Variants in RELN observed in about 807,000 individuals in gnomAD.
RELN encodes reelin.
In RELN, 108 loss-of-function variants were observed where a neutral mutation model predicts 427.6. The observed-to-expected ratio is 0.25, with a 90% confidence interval of 0.22 to 0.30. RELN has a LOEUF of 0.30. RELN is among the 10% of genes least tolerant of loss of function. The pLI is 1.00. For synonymous variants in RELN, 1,524 were observed against 1,513.4 expected, an observed-to-expected ratio of 1.01 and a Z score of -0.16; for missense variants, 3,715 against 4,302.8, an observed-to-expected ratio of 0.86 and a Z score of 3.82.
At chr7:103,635,345 AT>A in intron 19 of RELN, 79 bp downstream of exon 19, 1 of 1,506,532 alleles carries the variant, frequency 6.6e-7, no homozygotes, top group South Asian at 1.2e-5. Context: ...AATATCTAGA[AT>A]TTTATACCAT....
chr7:103,956,584 C>T (rs1456855087), intron 1 of RELN, among the ~76,000 whole-genome samples: 4 of 152,256 alleles, frequency 2.6e-5, no homozygotes, highest in Non-Finnish European at 4.4e-5. Context: ...TACTGACACA[C>T]TATAATCTTT....
Position 103,566,763 on chromosome 7 carries a change from A to C in RELN, c.4589-4T>G, listed in dbSNP as rs780638720. On this transcript the variant is annotated splice_polypyrimidine_tract_variant and splice_region_variant and intron_variant, in intron 31 of 64. Coordinates refer to ENST00000428762, the MANE Select transcript of RELN (RefSeq NM_005045.4). ...TTTGAATACTGAACAATAAGCCCTGAGTTAAAAGACATAAATCCAGTTATT... is the reference window on the plus strand; with the variant it reads ...TTTGAATACTGAACAATAAGCCCTGCGTTAAAAGACATAAATCCAGTTATT... 10 of 1,613,748 alleles carry C rather than the reference A, an allele frequency of 6.2e-6. No homozygotes were observed. Among genetic ancestry groups the C allele is most frequent in the Non-Finnish European group, 8.5e-6 (10 of 1,179,752 alleles).
rs115903741 is a variant in RELN at position 103,717,846 on chromosome 7, A to T, written c.805+5294T>A. ...AAGTTCGTGGAGGAAATGAGCAACA[A>T]TTCATACCAAGATATGGAGGAATCG... On this transcript the variant is annotated intron_variant, in intron 8 of 64. Transcript: ENST00000428762. Among the ~76,000 whole-genome samples, 159 of 152,260 alleles carry T rather than the reference A, an allele frequency of 1.0e-3. 1 individual carries two copies. The highest frequency in any genetic ancestry group is 3.6e-3 in the African/African-American group (149 of 41,568).
At chr7:103,776,332 A>T (rs753308140) in intron 4 of RELN, among the ~76,000 whole-genome samples, 1 of 152,236 alleles carries the variant, frequency 6.6e-6, no homozygotes, top group Non-Finnish European at 1.5e-5. Flanking sequence ...ATTAGAAAAA[A>T]ATTATGAAAA....
At chr7:103,930,868 A>G (rs920646888) in intron 1 of RELN, among the ~76,000 whole-genome samples, 18 of 142,004 alleles carry the variant, frequency 1.3e-4, no homozygotes, top group Admixed American at 4.2e-4. Context: ...GTGTGAGCAT[A>G]TGTGTGTGTG....
chr7:103,871,082 A>G lies in RELN; in HGVS notation c.338-37410T>C, dbSNP rs145548746. ...CCTGTTGTCCAGTAAGTAAAAACCC[A>G]ATCTATTTGGTCCAGTTTTAAGATT... On this transcript the variant is annotated intron_variant, in intron 2 of 64. Coordinates refer to ENST00000428762, the MANE Select transcript of RELN (RefSeq NM_005045.4). Among the ~76,000 whole-genome samples the G allele has an allele frequency of 5.9e-5, 9 of 152,162 alleles. No individual in the cohort carries two copies. In the East Asian group the frequency reaches 1.7e-3, roughly 29 times the overall value.
chr7:103,853,446 T>C (rs559082702), intron 2 of RELN, among the ~76,000 whole-genome samples: 1 of 152,152 alleles, frequency 6.6e-6, no homozygotes, highest in East Asian at 1.9e-4. Context: ...AGTATATTTC[T>C]ACCATATGGC....
chr7:103,603,434 G>T lies in RELN; in HGVS notation c.3203C>A (p.Thr1068Lys), dbSNP rs758968274. The change falls in exon 24 of 65, where the codon ACA becomes AAA. Residue 1068 changes from threonine to lysine, a missense_variant. Thr to Lys is a moderately conservative substitution (Grantham distance 78, BLOSUM62 -1). Around this residue, in one of 4 missense-constraint regions of RELN, gnomAD observed 2,208 missense variants for 2,361.7 expected, o/e 0.93. Transcript: ENST00000428762. This position sits in a 1 kb window ranked among gnomAD's most constrained non-coding sequence, Gnocchi z 4.3. ...ECHPEAALPSTIMSDFENQNG... is the reference protein window; with the variant it reads ...ECHPEAALPSKIMSDFENQNG... Reference sequence around the variant, plus strand: ...CTGGTTCTCAAAATCTGACATAATTGTGGACGGAAGGGCAGCTTCTGGGTG... The same window carrying T: ...CTGGTTCTCAAAATCTGACATAATTTTGGACGGAAGGGCAGCTTCTGGGTG... The T allele has an allele frequency of 4.3e-6, 7 of 1,613,894 alleles. No individual in the cohort carries two copies. In the Admixed American group the frequency reaches 1.2e-4, roughly 27 times the overall value.
chr7:103,896,609 G>A (rs1246295757), intron 2 of RELN, among the ~76,000 whole-genome samples: 2 of 152,038 alleles, frequency 1.3e-5, no homozygotes, highest in African/African-American at 4.8e-5. Context: ...GGGGTGAGAG[G>A]TGACAGAGGA....
chr7:103,676,192 G>GA (rs1833519237), intron 11 of RELN, among the ~76,000 whole-genome samples: 1 of 151,620 alleles, frequency 6.6e-6, no homozygotes, highest in Admixed American at 6.6e-5. Context: ...AAATTTACAA[G>GA]AAAAAAATAA....
intron 6 of RELN, among the ~76,000 whole-genome samples, chr7:103,732,879 G>A (rs1158402596): frequency 1.3e-5 from 2 of 152,022 alleles, no homozygotes; most frequent in Admixed American, 6.6e-5. Context: ...TGTTCACTCT[G>A]ATGGTAGTTT....
At chr7:103,930,896 G>GTC (rs1795849597) in intron 1 of RELN, among the ~76,000 whole-genome samples, 1 of 137,286 alleles carries the variant, frequency 7.3e-6, no homozygotes, top group Non-Finnish European at 1.5e-5. Context: ...GTGTGTGTGT[G>GTC]TGTGTGTGTG....
At chr7:103,651,445 C>T (rs928052435) in intron 15 of RELN, among the ~76,000 whole-genome samples, 5 of 152,048 alleles carry the variant, frequency 3.3e-5, no homozygotes, top group African/African-American at 1.2e-4. Context: ...AAGTCAAGTA[C>T]ATAAAGAATG....
At chr7:103,774,045 T>G (rs1187142765) in intron 4 of RELN, among the ~76,000 whole-genome samples, 1 of 151,952 alleles carries the variant, frequency 6.6e-6, no homozygotes, top group Non-Finnish European at 1.5e-5. Flanking sequence ...CCTGTAATCC[T>G]AGCACTTTGG....
chr7:103,682,078 G>A (rs771708518), intron 11 of RELN, 38 bp downstream of exon 11: 15 of 1,594,488 alleles, frequency 9.4e-6, no homozygotes, highest in Middle Eastern at 3.3e-4. Flanking sequence ...ATAAATGTAA[G>A]TGCTACATAC....
At chr7:103,955,298 G>A (rs1371203000) in intron 1 of RELN, among the ~76,000 whole-genome samples, 1 of 152,122 alleles carries the variant, frequency 6.6e-6, no homozygotes, top group Non-Finnish European at 1.5e-5. Context: ...AATCTCTTAT[G>A]ACCCTATGGC....
At position 103,503,166 on chromosome 7, in the gene RELN, G is replaced by A. The variant is rs1050171236; in HGVS notation, c.8339C>T (p.Thr2780Ile). The A allele has an allele frequency of 6.2e-7, 1 of 1,614,092 alleles. No individual in the cohort carries two copies. Among genetic ancestry groups the A allele is most frequent in the African/African-American group, 1.3e-5 (1 of 74,926 alleles). ...ATAATTCCAACTCACACCGAAGTCA[G>A]TAGAATACTGCACATGAATTTGATT... ...AQNQIHVQYS[T>I]DFGVSWNYLV... Residue 2780 changes from threonine to isoleucine, a missense_variant, in exon 52 of 65, where the codon ACT becomes ATT. Physicochemically the swap from Thr to Ile is moderately conservative, Grantham distance 89. This residue lies in a region of RELN where 1,310 missense variants were observed against 1,643.0 expected (regional missense o/e 0.80). Transcript: ENST00000428762.
At chr7:103,829,630 C>T (rs1267504022) in intron 3 of RELN, among the ~76,000 whole-genome samples, 2 of 151,790 alleles carry the variant, frequency 1.3e-5, no homozygotes, top group East Asian at 3.9e-4. Flanking sequence ...TCACTATATC[C>T]TGAAATCATC....
At chr7:103,520,340 G>A (rs976177619) in intron 48 of RELN, among the ~76,000 whole-genome samples, 1 of 152,008 alleles carries the variant, frequency 6.6e-6, no homozygotes, top group Non-Finnish European at 1.5e-5. Flanking sequence ...CAGTGGTGCA[G>A]TCTCGGCTCA....
Sources: gnomAD v4.1 joint callset for allele counts (sites outside exome capture counted in the v4.1 genomes callset) on GRCh38, gnomAD v4.1.1 for gene constraint, gnomAD v4.1.1 regional missense constraint, Gnocchi (gnomAD v3.1) non-coding constraint, MANE v1.5 for transcripts, NCBI Gene and HGNC (gene_info 2026-07-23, HGNC 2026-07-21) for gene names.